CLDN14: variants seen among roughly 807,000 people sequenced by gnomAD.
CLDN14 encodes the protein claudin 14.
In CLDN14, 2 loss-of-function variants were observed where a neutral mutation model predicts 2.1. That is an observed-to-expected ratio of 0.96 (90% CI 0.39 to 3.01). The LOEUF is 3.01. Among genes scored for constraint, CLDN14 ranks in the 30% most tolerant of loss-of-function variants. CLDN14 has a pLI of 0.09. For missense variants in CLDN14, 298 were observed against 328.0 expected, an observed-to-expected ratio of 0.91 and a Z score of 0.71; for synonymous variants, 136 against 154.4, an observed-to-expected ratio of 0.88 and a Z score of 0.88.
intron 1 of CLDN14, among the ~76,000 whole-genome samples, chr21:36,535,199 G>T (rs2087414511): frequency 6.6e-6 from 1 of 152,168 alleles, no homozygotes; most frequent in Admixed American, 6.5e-5. Flanking sequence ...AGACCAGTCT[G>T]GACAACATGG....
chr21:36,499,959 CAG>C lies in CLDN14; in HGVS notation c.-82+10402_-82+10403del, dbSNP rs2087078685. On this transcript the variant is annotated intron_variant, in intron 2 of 2. Transcript: ENST00000342108. This position sits in a 1 kb window ranked among gnomAD's most constrained non-coding sequence, Gnocchi z 4.7. ...CAGAAGCCTGCCCCAGCCGCGCACA[CAG>C]AGTCTACCTGTCTTCCAATGCGAGT... Among the ~76,000 whole-genome samples, 1 of 152,162 alleles carries C rather than the reference CAG, an allele frequency of 6.6e-6. No individual in the cohort carries two copies. Among genetic ancestry groups the C allele is most frequent in the Non-Finnish European group, 1.5e-5 (1 of 68,030 alleles).
intron 1 of CLDN14, among the ~76,000 whole-genome samples, chr21:36,511,123 A>G (rs2087183433): frequency 6.6e-6 from 1 of 152,232 alleles, no homozygotes. Context: ...GGAGGGAGGC[A>G]GGCCGGGGAG....
chr21:36,483,959 T>C (rs1035854711), upstream of CLDN14, among the ~76,000 whole-genome samples: 10 of 152,152 alleles, frequency 6.6e-5, no homozygotes. Context: ...TCTCTTGCCC[T>C]GTAAGGAGCC....
chr21:36,509,837 G>A (rs570471082), intron 2 of CLDN14, among the ~76,000 whole-genome samples: 11 of 152,106 alleles, frequency 7.2e-5, no homozygotes, highest in East Asian at 5.8e-4. Flanking sequence ...CTCGTAATCC[G>A]CCCACCTCAG....
At chr21:36,513,053 A>T (rs1194249537) in intron 1 of CLDN14, among the ~76,000 whole-genome samples, 1 of 152,214 alleles carries the variant, frequency 6.6e-6, no homozygotes, top group African/African-American at 2.4e-5. Flanking sequence ...CCTTGTTTAC[A>T]GAATCCCATT....
intron 1 of CLDN14, among the ~76,000 whole-genome samples, chr21:36,464,304 T>C (rs922509987): frequency 1.3e-5 from 2 of 152,206 alleles, no homozygotes; most frequent in African/African-American, 4.8e-5. Context: ...AAACCTCTTT[T>C]CTTTATAAAT....
In CLDN14 at chr21:36,499,804, C is replaced by G. The variant is rs1242773579; in HGVS notation, c.-82+10559G>C. On this transcript the variant is annotated intron_variant, in intron 2 of 2. Transcript: ENST00000342108. This position sits in a 1 kb window ranked among gnomAD's most constrained non-coding sequence, Gnocchi z 4.7. ...GCAAAGCCAGCAGGGATTTATTGCT[C>G]CTTAGATGATCAATGCTGCCCCCAG... Among the ~76,000 whole-genome samples, 3 of 152,068 alleles carry G rather than the reference C, an allele frequency of 2.0e-5. No individual in the cohort carries two copies.
At chr21:36,489,290 G>A (rs2086937338) in intron 2 of CLDN14, among the ~76,000 whole-genome samples, 1 of 151,570 alleles carries the variant, frequency 6.6e-6, no homozygotes, top group East Asian at 1.9e-4. Flanking sequence ...TGGTCTTGCA[G>A]CTGTCCACTT....
chr21:36,474,647 A>G (rs574179125), intron 1 of CLDN14, among the ~76,000 whole-genome samples: 1 of 152,170 alleles, frequency 6.6e-6, no homozygotes, highest in African/African-American at 2.4e-5. Context: ...AAAAAACTAA[A>G]CCAAAAGAGT....
At chr21:36,503,174 C>T (rs555678276) in intron 2 of CLDN14, among the ~76,000 whole-genome samples, 1 of 152,334 alleles carries the variant, frequency 6.6e-6, no homozygotes, top group Admixed American at 6.5e-5. Flanking sequence ...CTGCCTCAGC[C>T]TCCCAAGTAG....
chr21:36,523,746 TAAAA>T (rs775431075), intron 1 of CLDN14, among the ~76,000 whole-genome samples: 1 of 42,938 alleles, frequency 2.3e-5, no homozygotes, highest in Admixed American at 2.7e-4. Context: ...AGACTCCATC[TAAAA>T]AAAAAAAAAA....
At chr21:36,570,537 A>G (rs1223919526) in intron 1 of CLDN14, among the ~76,000 whole-genome samples, 1 of 152,220 alleles carries the variant, frequency 6.6e-6, no homozygotes, top group Non-Finnish European at 1.5e-5. Flanking sequence ...TCTAACTTCC[A>G]ATGTACAGGG....
chr21:36,497,966 C>T (rs898055482), intron 2 of CLDN14, among the ~76,000 whole-genome samples: 3 of 151,812 alleles, frequency 2.0e-5, no homozygotes, highest in Admixed American at 6.6e-5. Context: ...ACTGGTGGTA[C>T]AGCACAGGGT....
rs972926586 is a variant in CLDN14, at chr21:36,498,557, CTTG to C, written c.-82+11803_-82+11805del. ...GATACATGCACTTAATATCAGCAGACTTGTTGTGAGTATAAGCCTCTATAAACT... is the reference window on the plus strand; with the variant it reads ...GATACATGCACTTAATATCAGCAGACTTGTGAGTATAAGCCTCTATAAACT... On this transcript the variant is annotated intron_variant, in intron 2 of 2. Coordinates refer to the CLDN14 transcript ENST00000342108. This position sits in a 1 kb window ranked among gnomAD's most constrained non-coding sequence, Gnocchi z 4.9. 1.3e-5 allele frequency among the ~76,000 whole-genome samples: 2 copies of C among 152,156 alleles called. No homozygotes were observed. The highest frequency in any genetic ancestry group is 2.4e-5 in the African/African-American group (1 of 41,436).
At chr21:36,517,958 A>G (rs763583927) in intron 1 of CLDN14, among the ~76,000 whole-genome samples, 1 of 152,140 alleles carries the variant, frequency 6.6e-6, no homozygotes, top group African/African-American at 2.4e-5. Context: ...TTGGGCGTCA[A>G]TTGCAACTCT....
intron 1 of CLDN14, among the ~76,000 whole-genome samples, chr21:36,525,591 T>C (rs1360279787): frequency 6.6e-6 from 1 of 152,006 alleles, no homozygotes; most frequent in East Asian, 1.9e-4. Context: ...AAAGGAACTT[T>C]TGGAAACCTG....
chr21:36,479,017 A>G (rs2146446323), intron 1 of CLDN14, among the ~76,000 whole-genome samples: 1 of 152,206 alleles, frequency 6.6e-6, no homozygotes, highest in South Asian at 2.1e-4. Context: ...GTTGGAGGGC[A>G]GGGGTGTATT....
chr21:36,515,789 C>CTTTTTTTTTTTT (rs1555850517), intron 1 of CLDN14, among the ~76,000 whole-genome samples: 15 of 115,316 alleles, frequency 1.3e-4, no homozygotes, highest in African/African-American at 4.6e-4. Flanking sequence ...TTTATCTTCT[C>CTTTTTTTTTTTT]TTTTTTTTTT....
rs144210481 is a variant in CLDN14, at chr21:36,479,072, C to T, written c.-82+423G>A. On this transcript the variant is annotated intron_variant, in intron 1 of 1. Transcript: ENST00000399135. ...CCCAAGTCTGGAAACTCGGAACAGT[C>T]TGCCTGGCCCTCTTTGCAGAAAAAC... Among the ~76,000 whole-genome samples the T allele has an allele frequency of 5.6e-4, 85 of 152,274 alleles. 2 individuals are homozygous for T. The Middle Eastern group carries it at 0.01, about 18-fold the overall frequency.
Sources: allele counts gnomAD v4.1 joint callset (sites outside exome capture counted in the v4.1 genomes callset), GRCh38; gene constraint gnomAD v4.1.1; non-coding constraint Gnocchi (gnomAD v3.1); transcripts MANE v1.5; gene names NCBI Gene and HGNC (gene_info 2026-07-23, HGNC 2026-07-21).